Variants in NCAM2 observed in about 807,000 individuals in gnomAD.
NCAM2 encodes N-CAM-2.
NCAM2 carries 30 observed loss-of-function variants against 98.1 expected under a neutral mutation model. That is an observed-to-expected ratio of 0.31 (90% CI 0.23 to 0.41). NCAM2 has a LOEUF of 0.41. Among genes scored for constraint, NCAM2 ranks in the 10% least tolerant of loss-of-function variants. NCAM2 has a pLI of 1.00. For synonymous variants in NCAM2, 368 were observed against 342.4 expected (o/e 1.07, Z -0.83); for missense variants, 867 against 1,005.8 (o/e 0.86, Z 1.87).
At position 21,092,506 on chromosome 21, in the gene NCAM2, A is replaced by G. The variant is rs1601343011; in HGVS notation, c.55+93888A>G. 2.0e-5 allele frequency among the ~76,000 whole-genome samples: 3 copies of G among 152,098 alleles called. No homozygotes were observed. In the South Asian group the frequency reaches 6.2e-4, roughly 31 times the overall value. On this transcript the variant is annotated intron_variant, in intron 1 of 17. Coordinates refer to ENST00000400546, the MANE Select transcript of NCAM2 (RefSeq NM_004540.5). ...TTTATTAGCATGAATAATTATTTTT[A>G]TTTTAAACAATGGTGACTCATAGAA...
chr21:21,028,820 G>A (rs963336805), intron 1 of NCAM2, among the ~76,000 whole-genome samples: 1 of 152,186 alleles, frequency 6.6e-6, no homozygotes, highest in African/African-American at 2.4e-5. Context: ...TTAACATTCT[G>A]TTGGGGAGAG....
intron 15 of NCAM2, among the ~76,000 whole-genome samples, chr21:21,491,888 T>C (rs1825988729): frequency 6.6e-6 from 1 of 151,662 alleles, no homozygotes; most frequent in South Asian, 2.1e-4. Flanking sequence ...ATAGTTATAG[T>C]AGTTTGAAAC....
At chr21:21,135,218 T>TCTG (rs1273116144) in intron 1 of NCAM2, among the ~76,000 whole-genome samples, 1 of 146,114 alleles carries the variant, frequency 6.8e-6, no homozygotes, top group Non-Finnish European at 1.5e-5. Context: ...TGCACTCCAG[T>TCTG]CTGGGCTACA....
intron 1 of NCAM2, among the ~76,000 whole-genome samples, chr21:21,153,395 C>G (rs2067505510): frequency 6.6e-6 from 1 of 151,708 alleles, no homozygotes; most frequent in South Asian, 2.1e-4. Context: ...ACTTACACTA[C>G]TATGCTGTGT....
intron 1 of NCAM2, among the ~76,000 whole-genome samples, chr21:21,265,089 T>TATGTGTCTGTG (rs1568855732): frequency 1.3e-5 from 1 of 77,500 alleles, no homozygotes; most frequent in Non-Finnish European, 2.3e-5. Flanking sequence ...CACACATATA[T>TATGTGTCTGTG]TATATATACA....
At chr21:21,501,910 A>G (rs986312) in intron 15 of NCAM2, among the ~76,000 whole-genome samples, 62,193 of 151,726 alleles carry the variant, frequency 0.41, 14,116 homozygotes, top group Middle Eastern at 0.56. Context: ...CAATATTTTA[A>G]GAAGTATCCC....
At chr21:21,146,211 G>C (rs147389238) in intron 1 of NCAM2, among the ~76,000 whole-genome samples, 1 of 152,038 alleles carries the variant, frequency 6.6e-6, no homozygotes, top group African/African-American at 2.4e-5. Flanking sequence ...AAATATTATA[G>C]TTCATACAAA....
rs1447683492 is a variant in NCAM2, at chr21:21,539,279, T to A, written c.*1322T>A. On this transcript the variant is annotated 3_prime_UTR_variant, in exon 18 of 18. Coordinates refer to ENST00000400546, the MANE Select transcript of NCAM2 (RefSeq NM_004540.5). The stretch of plus-strand genomic sequence containing the variant: ...CTTATATGTAAGGTTTAAAAAAGTA[T>A]TTATCATTATAAACATACATACCAT... The A allele has an allele frequency of 1.3e-5, 2 of 152,180 alleles. No individual in the cohort carries two copies. Among genetic ancestry groups the A allele is most frequent in the African/African-American group, 4.8e-5 (2 of 41,448 alleles). The allele number at this position is 152,180 out of a possible 1,614,324, so 9.4% of individuals were successfully genotyped here.
chr21:21,050,192 A>G (rs1324109244), intron 1 of NCAM2, among the ~76,000 whole-genome samples: 2 of 152,088 alleles, frequency 1.3e-5, no homozygotes, highest in African/African-American at 2.4e-5. Context: ...GTACTCCTCG[A>G]TTTGCATTTC....
chr21:21,306,769 G>T (rs563771812), intron 5 of NCAM2, among the ~76,000 whole-genome samples: 1 of 151,976 alleles, frequency 6.6e-6, no homozygotes, highest in African/African-American at 2.4e-5. Flanking sequence ...CCCTGTTATG[G>T]TATCAAATAG....
intron 16 of NCAM2, among the ~76,000 whole-genome samples, chr21:21,514,817 C>T (rs1170022627): frequency 6.6e-6 from 1 of 152,004 alleles, no homozygotes; most frequent in African/African-American, 2.4e-5. Flanking sequence ...TTCAAATAGG[C>T]CTGTTTCTGT....
At chr21:21,212,294 A>G (rs1198604870) in intron 1 of NCAM2, among the ~76,000 whole-genome samples, 2 of 152,250 alleles carry the variant, frequency 1.3e-5, no homozygotes, top group Non-Finnish European at 2.9e-5. Flanking sequence ...AAAAAAGCCA[A>G]TTCAAAAAAG....
chr21:21,200,750 C>CTTTTT (rs2069185681), intron 1 of NCAM2, among the ~76,000 whole-genome samples: 1 of 26,256 alleles, frequency 3.8e-5, no homozygotes, highest in East Asian at 8.0e-4. Flanking sequence ...TGGGGCCCTT[C>CTTTTT]ATTTTTTTTT....
intron 10 of NCAM2, among the ~76,000 whole-genome samples, chr21:21,416,901 G>A (rs1194310514): frequency 6.6e-6 from 1 of 151,618 alleles, no homozygotes; most frequent in Non-Finnish European, 1.5e-5. Flanking sequence ...GTGGATGTGT[G>A]TGTGTGTGTC....
chr21:21,313,768 C>A (rs2074131008), intron 5 of NCAM2, among the ~76,000 whole-genome samples: 1 of 151,904 alleles, frequency 6.6e-6, no homozygotes, highest in South Asian at 2.1e-4. Flanking sequence ...ATTTTCCCTG[C>A]TCTAAATTCT....
At chr21:21,518,678 G>A (rs1308480442) in intron 16 of NCAM2, among the ~76,000 whole-genome samples, 1 of 151,556 alleles carries the variant, frequency 6.6e-6, no homozygotes, top group Non-Finnish European at 1.5e-5. Context: ...TATAGATAGA[G>A]ATATATATTA....
chr21:21,070,787 A>G (rs920798710), intron 1 of NCAM2, among the ~76,000 whole-genome samples: 1 of 152,172 alleles, frequency 6.6e-6, no homozygotes, highest in Non-Finnish European at 1.5e-5. Context: ...ACCTCTGTTG[A>G]TGAATTGGTA....
At chr21:21,279,829 A>C (rs1452481675) in intron 1 of NCAM2, among the ~76,000 whole-genome samples, 1 of 152,224 alleles carries the variant, frequency 6.6e-6, no homozygotes, top group Non-Finnish European at 1.5e-5. Flanking sequence ...CCAAAAGCTC[A>C]AGTACGTGCA....
intron 1 of NCAM2, among the ~76,000 whole-genome samples, chr21:21,018,410 A>T (rs1490921558): frequency 6.6e-6 from 1 of 152,248 alleles, no homozygotes; most frequent in South Asian, 2.1e-4. Flanking sequence ...TTGTAATTAA[A>T]GAGATGAAGG....
Sources: allele counts gnomAD v4.1 joint callset (sites outside exome capture counted in the v4.1 genomes callset), GRCh38; gene constraint gnomAD v4.1.1; transcripts MANE v1.5; gene names NCBI Gene and HGNC (gene_info 2026-07-23, HGNC 2026-07-21).